Variants in ADGRL3 observed in about 807,000 individuals in gnomAD.
ADGRL3 encodes the protein calcium-independent alpha-latrotoxin receptor 3.
In ADGRL3, 62 loss-of-function variants were observed where a neutral mutation model predicts 153.5. The ratio of observed to expected loss-of-function variants is 0.40; its 90% CI spans 0.33 to 0.50. The LOEUF (loss-of-function observed/expected upper bound fraction) is 0.50. Among genes scored for constraint, ADGRL3 ranks in the 20% least tolerant of loss-of-function variants. The pLI is 0.47. For synonymous variants in ADGRL3, 710 were observed against 672.5 expected, an observed-to-expected ratio of 1.06 and a Z score of -0.86; for missense variants, 1,641 against 1,859.4, an observed-to-expected ratio of 0.88 and a Z score of 2.16.
At chr4:61,905,313 G>A (rs1409738764) in intron 11 of ADGRL3, among the ~76,000 whole-genome samples, 1 of 152,012 alleles carries the variant, frequency 6.6e-6, no homozygotes, top group Middle Eastern at 3.2e-3. Context: ...TTTAGAATGC[G>A]TTACTTGATT....
chr4:61,214,807 G>A (rs1324751800), intron 1 of ADGRL3, among the ~76,000 whole-genome samples: 1 of 152,094 alleles, frequency 6.6e-6, no homozygotes, highest in Non-Finnish European at 1.5e-5. Flanking sequence ...GCATTAGGGT[G>A]CATGCCCATA....
chr4:61,841,485 A>G (rs938757032), intron 9 of ADGRL3, among the ~76,000 whole-genome samples: 1 of 152,156 alleles, frequency 6.6e-6, no homozygotes, highest in Non-Finnish European at 1.5e-5. Context: ...TTGACCCAAA[A>G]TTTTATGTCA....
chr4:61,819,749 A>T (rs2097730025), intron 9 of ADGRL3, among the ~76,000 whole-genome samples: 1 of 152,120 alleles, frequency 6.6e-6, no homozygotes, highest in African/African-American at 2.4e-5. Flanking sequence ...ACTGCTTCAG[A>T]TACTTTGCCA....
At chr4:61,782,476 A>G (rs2097224738) in intron 8 of ADGRL3, among the ~76,000 whole-genome samples, 1 of 152,200 alleles carries the variant, frequency 6.6e-6, no homozygotes. Context: ...TGCTAAAAAT[A>G]TTACAGTAGT....
At chr4:61,858,262 G>C (rs983643272) in intron 9 of ADGRL3, among the ~76,000 whole-genome samples, 1 of 152,136 alleles carries the variant, frequency 6.6e-6, no homozygotes, top group African/African-American at 2.4e-5. Context: ...TCAGTTCTGT[G>C]GTTGTAGCCT....
chr4:61,778,781 G>A (rs1199549238), intron 8 of ADGRL3, among the ~76,000 whole-genome samples: 4 of 152,156 alleles, frequency 2.6e-5, no homozygotes, highest in African/African-American at 4.8e-5. Context: ...TTGTAAGCTG[G>A]GCGTGGTGGA....
At chr4:61,426,321 CTGACTACTTTGTCCACACCTG>C (rs1217696120) in intron 2 of ADGRL3, among the ~76,000 whole-genome samples, 2 of 152,222 alleles carry the variant, frequency 1.3e-5, no homozygotes, top group Non-Finnish European at 2.9e-5. Context: ...GTTCAGCCCA[CTGACTACTTTGTCCACACCTG>C]ATAACAAATC....
chr4:62,045,685 T>G (rs1040928413), intron 25 of ADGRL3, among the ~76,000 whole-genome samples: 1 of 151,956 alleles, frequency 6.6e-6, no homozygotes, highest in South Asian at 2.1e-4. Flanking sequence ...TAATATAATC[T>G]TAATTGAGTT....
intron 4 of ADGRL3, among the ~76,000 whole-genome samples, chr4:61,529,038 A>G (rs1306875693): frequency 6.6e-6 from 1 of 152,098 alleles, no homozygotes; most frequent in Non-Finnish European, 1.5e-5. Context: ...ACTAAAGGAG[A>G]CAGATTTAGA....
intron 4 of ADGRL3, among the ~76,000 whole-genome samples, chr4:61,566,920 T>C (rs557135693): frequency 2.6e-5 from 4 of 152,180 alleles, no homozygotes; most frequent in Non-Finnish European, 5.9e-5. Context: ...TTACCCATAT[T>C]GTCTCATCAA....
chr4:61,635,566 T>G (rs2093382977), intron 5 of ADGRL3, among the ~76,000 whole-genome samples: 1 of 151,796 alleles, frequency 6.6e-6, no homozygotes, highest in Non-Finnish European at 1.5e-5. Flanking sequence ...CTGAGACTCT[T>G]AAGTCCTGCT....
chr4:61,399,772 T>C lies in ADGRL3; in HGVS notation c.-174+16583T>C, dbSNP rs187493900. Among the ~76,000 whole-genome samples the C allele has an allele frequency of 1.8e-3, 274 of 151,788 alleles. 2 individuals carry two copies. The highest frequency in any genetic ancestry group is 6.4e-3 in the African/African-American group (265 of 41,484). On this transcript the variant is annotated intron_variant, in intron 2 of 26. Transcript: ENST00000683033. ...TCTAAATGTTTAATATTTAAAATCT[T>C]CCCTCTTGCTCTATAAACTTAACCT...
Position 61,226,046 on chromosome 4 carries a change from C to T in ADGRL3, c.-240+24281C>T, listed in dbSNP as rs1747810500. Among the ~76,000 whole-genome samples the T allele has an allele frequency of 2.6e-5, 4 of 152,158 alleles. No homozygotes were observed. The South Asian group carries it at 8.3e-4, about 32-fold the overall frequency. On this transcript the variant is annotated intron_variant, in intron 1 of 26. Coordinates refer to ENST00000683033, the MANE Select transcript of ADGRL3 (RefSeq NM_001387552.1). ...CCCCACTCCCAAATCTTTGTCTCCC[C>T]CAAAATTACCATATAGAATTTATGA...
At position 61,733,213 on chromosome 4, in the gene ADGRL3, T is replaced by C. The variant is rs750695757; in HGVS notation, c.1058T>C (p.Ile353Thr). The C allele has an allele frequency of 6.2e-7, 1 of 1,613,470 alleles. No individual in the cohort carries two copies. Among genetic ancestry groups the C allele is most frequent in the Non-Finnish European group, 8.5e-7 (1 of 1,179,738 alleles). ...IYATEQNNGKIVISQLNPYTL... is the reference protein window; with the variant it reads ...IYATEQNNGKTVISQLNPYTL... ...GCAACAGAACAAAACAATGGTAAAATTGTCATTAGTCAATTGAACCCTTAC... is the reference window on the plus strand; with the variant it reads ...GCAACAGAACAAAACAATGGTAAAACTGTCATTAGTCAATTGAACCCTTAC... The change falls in exon 8 of 27, where the codon ATT becomes ACT. Residue 353 changes from isoleucine (I) to threonine (T), a missense_variant. By Grantham distance (89) the Ile-to-Thr change is moderately conservative. Around this residue, in one of 5 missense-constraint regions of ADGRL3, gnomAD observed 213 missense variants for 362.1 expected, o/e 0.59. Transcript: ENST00000683033.
chr4:61,849,347 G>C (rs904883756), intron 9 of ADGRL3, among the ~76,000 whole-genome samples: 1 of 152,074 alleles, frequency 6.6e-6, no homozygotes, highest in African/African-American at 2.4e-5. Flanking sequence ...ATGAAGTATT[G>C]TTTCCTTAGG....
chr4:61,382,301 G>T (rs1237382533), intron 1 of ADGRL3, among the ~76,000 whole-genome samples: 1 of 151,184 alleles, frequency 6.6e-6, no homozygotes, highest in African/African-American at 2.4e-5. Flanking sequence ...AAAGCTCTTT[G>T]TGTAGTCACA....
intron 6 of ADGRL3, among the ~76,000 whole-genome samples, chr4:61,680,961 C>G (rs914450452): frequency 6.6e-6 from 1 of 152,074 alleles, no homozygotes; most frequent in African/African-American, 2.4e-5. Context: ...CACCTCAGTT[C>G]CAGTATGACT....
chr4:61,497,372 TA>T, intron 3 of ADGRL3, 24 bp downstream of exon 3: 1 of 1,509,532 alleles, frequency 6.6e-7, no homozygotes, highest in Non-Finnish European at 9.1e-7. Context: ...GATTTTTGTG[TA>T]ATGCTTAATG....
chr4:61,247,104 C>T (rs1757399283), intron 1 of ADGRL3, among the ~76,000 whole-genome samples: 1 of 151,910 alleles, frequency 6.6e-6, no homozygotes, highest in Non-Finnish European at 1.5e-5. Flanking sequence ...GGCATCTTTG[C>T]CATGAGCATA....
Sources: allele counts gnomAD v4.1 joint callset (sites outside exome capture counted in the v4.1 genomes callset), GRCh38; gene constraint gnomAD v4.1.1; regional missense constraint gnomAD v4.1.1; transcripts MANE v1.5; gene names NCBI Gene and HGNC (gene_info 2026-07-23, HGNC 2026-07-21).